The following USP7 variants were observed in gnomAD, a reference collection of about 807,000 sequenced individuals.
USP7 encodes the protein ubiquitin C-terminal hydrolase 7.
USP7 carries 9 observed loss-of-function variants against 162.9 expected under a neutral mutation model. That is an observed-to-expected ratio of 0.06 (90% CI 0.03 to 0.10). USP7 has a LOEUF of 0.10. Ranked by LOEUF, USP7 falls within the 10% of genes least tolerant of loss-of-function variation. The pLI, the probability that USP7 is intolerant of heterozygous loss-of-function variation, is 1.00. For missense variants in USP7, 715 were observed against 1,373.7 expected (o/e 0.52, Z 7.58); for synonymous variants, 562 against 475.9 (o/e 1.18, Z -2.35).
chr16:8,903,482 A>C, intron 15 of USP7, 80 bp from the exon 16 acceptor site: 1 of 1,432,084 alleles, frequency 7.0e-7, no homozygotes, highest in East Asian at 2.5e-5. Flanking sequence ...TTAAACACTA[A>C]AACGCTGAAA....
At chr16:8,925,845 C>T (rs1897956822) in intron 2 of USP7, among the ~76,000 whole-genome samples, 1 of 152,212 alleles carries the variant, frequency 6.6e-6, no homozygotes, top group African/African-American at 2.4e-5. Flanking sequence ...ACTCTTCATA[C>T]TAGCAGAATA....
chr16:8,907,606 A>C (rs757087341), intron 12 of USP7, among the ~76,000 whole-genome samples: 18 of 152,222 alleles, frequency 1.2e-4, no homozygotes, highest in Non-Finnish European at 2.5e-4. Context: ...CAGTAATCCC[A>C]GCACTTTGGG....
intron 8 of USP7, among the ~76,000 whole-genome samples, chr16:8,916,258 T>C (rs1897363307): frequency 6.6e-6 from 1 of 152,182 alleles, no homozygotes; most frequent in African/African-American, 2.4e-5. Flanking sequence ...ATTTAACAAA[T>C]TAAAAGCCTA....
intron 1 of USP7, among the ~76,000 whole-genome samples, chr16:8,933,339 G>A (rs889967557): frequency 6.6e-6 from 1 of 152,114 alleles, no homozygotes; most frequent in Non-Finnish European, 1.5e-5. Context: ...ATAAGTCAAG[G>A]AGTCCGAGAC....
At chr16:8,899,369 G>C in intron 22 of USP7, 181 bp from the exon 23 acceptor site, 2 of 745,856 alleles carry the variant, frequency 2.7e-6, no homozygotes, top group Admixed American at 5.8e-5. Context: ...CATATCTGAT[G>C]AAGATAACTT....
chr16:8,899,141 C>A lies in USP7; in HGVS notation c.2511G>T (p.Leu837=), dbSNP rs374486766. 11 of 1,614,170 alleles carry A rather than the reference C, an allele frequency of 6.8e-6. No homozygotes were observed. The Admixed American group carries it at 1.7e-4, about 24-fold the overall frequency. The change falls in exon 23 of 31, where the codon CTG becomes CTT. Residue 837 remains leucine, a synonymous_variant. Coordinates refer to ENST00000344836, the MANE Select transcript of USP7 (RefSeq NM_003470.3). ...AQRLNTDPML[L]QFFKSQGYRD... The stretch of plus-strand genomic sequence containing the variant: ...CCTACCCTTGAGACTTGAAAAACTG[C>A]AGCAACATTGGATCTGTGTTGAGCC...
chr16:8,899,564 G>A (rs1033162058), intron 22 of USP7, 40 bp downstream of exon 22: 55 of 1,602,180 alleles, frequency 3.4e-5, no homozygotes, highest in Non-Finnish European at 4.3e-5. Flanking sequence ...TTGTCTTTCT[G>A]GAGTGGGATC....
intron 22 of USP7, 116 bp from the exon 23 acceptor site, chr16:8,899,304 A>G: frequency 9.8e-7 from 1 of 1,017,096 alleles, no homozygotes; most frequent in South Asian, 1.4e-5. Context: ...TTCCCTAGAA[A>G]TTTATTAAAC....
At chr16:8,897,184 C>G in intron 25 of USP7, 85 bp from the exon 26 acceptor site, 1 of 1,070,648 alleles carries the variant, frequency 9.3e-7, no homozygotes, top group Non-Finnish European at 1.4e-6. Context: ...AAAGTTGCAT[C>G]ATTGTTCTCA....
At chr16:8,907,721 G>A (rs1040219715) in intron 12 of USP7, among the ~76,000 whole-genome samples, 7 of 152,154 alleles carry the variant, frequency 4.6e-5, no homozygotes, top group African/African-American at 1.4e-4. Flanking sequence ...GGCTGAGGCA[G>A]GAGAATAGCT....
chr16:8,946,762 A>G lies in USP7; in HGVS notation c.80-16365T>C, dbSNP rs150494104. On this transcript the variant is annotated intron_variant, in intron 1 of 30. Coordinates refer to ENST00000344836, the MANE Select transcript of USP7 (RefSeq NM_003470.3). ...GCCACTCACGCTCAACCACTCAGCC[A>G]TCTGCCAGCACGCAGAAGGCTCCAC... 3.0e-3 allele frequency among the ~76,000 whole-genome samples: 458 copies of G among 152,360 alleles called. 2 individuals are homozygous for G. Among genetic ancestry groups the G allele is most frequent in the African/African-American group, 0.01 (433 of 41,590 alleles).
rs1296663823 is a variant in USP7 at position 8,892,480 on chromosome 16, G to C, written c.*1518C>G. ...GGGACGGTGCAAGGACCACGCCCAC[G>C]ATAGCGCCTGCCGCCCCGAAGGGCC... On this transcript the variant is annotated 3_prime_UTR_variant, in exon 31 of 31. Coordinates refer to ENST00000344836, the MANE Select transcript of USP7 (RefSeq NM_003470.3). The C allele has an allele frequency of 6.6e-6, 1 of 152,168 alleles. No homozygotes were observed. Among genetic ancestry groups the C allele is most frequent in the African/African-American group, 2.4e-5 (1 of 41,436 alleles). 9.4% of individuals were successfully genotyped at this position (152,168 alleles called of 1,614,324 possible).
chr16:8,918,184 T>C (rs1897481646), intron 6 of USP7, among the ~76,000 whole-genome samples: 1 of 152,208 alleles, frequency 6.6e-6, no homozygotes, highest in South Asian at 2.1e-4. Flanking sequence ...GAGCTGTCCC[T>C]GGGATATATC....
At chr16:8,937,920 G>C (rs1321432822) in intron 1 of USP7, among the ~76,000 whole-genome samples, 2 of 152,070 alleles carry the variant, frequency 1.3e-5, no homozygotes, top group Admixed American at 1.3e-4. Flanking sequence ...AGAAAATACT[G>C]ACCACGTGAG....
intron 2 of USP7, among the ~76,000 whole-genome samples, chr16:8,926,223 A>G (rs1897981552): frequency 6.6e-6 from 1 of 152,068 alleles, no homozygotes; most frequent in East Asian, 1.9e-4. Context: ...CGCGCCTGTA[A>G]TCCCAGCACT....
chr16:8,931,905 G>A (rs993920280), intron 1 of USP7, among the ~76,000 whole-genome samples: 1 of 152,198 alleles, frequency 6.6e-6, no homozygotes, highest in Non-Finnish European at 1.5e-5. Flanking sequence ...TGGTGCACTG[G>A]ACACCAACAG....
chr16:8,899,103 T>A lies in USP7; in HGVS notation c.2531+18A>T. On this transcript the variant is annotated intron_variant, in intron 23 of 30. Transcript: ENST00000344836. ...GCATGCAGTCAAGACCAAGCAAGTG[T>A]CCACACATGTGACCTACCCTTGAGA... 1 of 1,613,938 alleles carries A rather than the reference T, an allele frequency of 6.2e-7. No individual in the cohort carries two copies. Among genetic ancestry groups the A allele is most frequent in the Non-Finnish European group, 8.5e-7 (1 of 1,179,874 alleles).
At chr16:8,926,788 GCTT>G (rs1042638135) in intron 2 of USP7, among the ~76,000 whole-genome samples, 8 of 152,188 alleles carry the variant, frequency 5.3e-5, no homozygotes, top group African/African-American at 1.7e-4. Flanking sequence ...ATTACCGCAT[GCTT>G]CTTTTTACTG....
chr16:8,900,020 G>T, intron 21 of USP7: 1 of 539,876 alleles, frequency 1.9e-6, no homozygotes, highest in South Asian at 2.2e-5. Context: ...TTAGGTAACA[G>T]CACCTGCTCT....
Sources: gnomAD v4.1 joint callset for allele counts (sites outside exome capture counted in the v4.1 genomes callset) on GRCh38, gnomAD v4.1.1 for gene constraint, MANE v1.5 for transcripts, NCBI Gene and HGNC (gene_info 2026-07-23, HGNC 2026-07-21) for gene names.